DOK6: variants seen among roughly 807,000 people sequenced by gnomAD.
The protein encoded by DOK6 is docking protein 6.
A neutral mutation model predicts 44.0 loss-of-function variants in DOK6; 22 were observed. The observed-to-expected ratio is 0.50, with a 90% CI of 0.36 to 0.71. The LOEUF is 0.71. Among genes scored for constraint, DOK6 ranks in the 30% least tolerant of loss-of-function variants. The probability of loss-of-function intolerance (pLI) is 0.00; values close to 1 mark genes in which losing one functional copy is unlikely to be tolerated. For missense variants in DOK6, 340 were observed against 416.4 expected (o/e 0.82, Z 1.60); for synonymous variants, 166 against 145.5 (o/e 1.14, Z -1.01).
chr18:69,549,725 C>T (rs1982509726), intron 1 of DOK6, among the ~76,000 whole-genome samples: 1 of 151,282 alleles, frequency 6.6e-6, no homozygotes, highest in Non-Finnish European at 1.5e-5. Flanking sequence ...AAAATTGATG[C>T]CTATGCAAGA....
chr18:69,530,320 C>T (rs1378190450), intron 1 of DOK6, among the ~76,000 whole-genome samples: 2 of 152,026 alleles, frequency 1.3e-5, no homozygotes, highest in African/African-American at 4.8e-5. Context: ...TTAGCTGCAT[C>T]TTAAAGCAAA....
At chr18:69,412,051 A>G (rs949119660) in intron 1 of DOK6, among the ~76,000 whole-genome samples, 23 of 152,180 alleles carry the variant, frequency 1.5e-4, no homozygotes, top group Non-Finnish European at 7.4e-5. Context: ...TTTAAAAATT[A>G]TACAAATAAA....
At chr18:69,550,949 A>T (rs1284452302) in intron 1 of DOK6, among the ~76,000 whole-genome samples, 1 of 151,168 alleles carries the variant, frequency 6.6e-6, no homozygotes, top group Non-Finnish European at 1.5e-5. Flanking sequence ...ATGCCCGGCT[A>T]ATTTTTGTGT....
Position 69,406,779 on chromosome 18 carries a change from C to T in DOK6, c.66+5469C>T, listed in dbSNP as rs145560715. 5.2e-3 allele frequency among the ~76,000 whole-genome samples: 789 copies of T among 152,204 alleles called. 10 individuals are homozygous for T. Among genetic ancestry groups the T allele is most frequent in the Non-Finnish European group, 4.0e-3 (272 of 68,018 alleles). On this transcript the variant is annotated intron_variant, in intron 1 of 7. Transcript: ENST00000382713. ...TTTTGGATCAGTATAAAATAGAATA[C>T]GGAATAAAAAATTAGTTTAGGCTGG...
chr18:69,432,162 T>G (rs356013), intron 1 of DOK6, among the ~76,000 whole-genome samples: 120,850 of 152,186 alleles, frequency 0.79, 48,250 homozygotes, highest in East Asian at 1. Context: ...TATCATTTTG[T>G]CTGGGCATGG....
chr18:69,791,365 C>G (rs979957543), intron 7 of DOK6, among the ~76,000 whole-genome samples: 1 of 152,174 alleles, frequency 6.6e-6, no homozygotes, highest in African/African-American at 2.4e-5. Context: ...CTTACATTCC[C>G]ACCAACAGTG....
chr18:69,760,372 T>C (rs1239309468), intron 7 of DOK6, among the ~76,000 whole-genome samples: 2 of 152,176 alleles, frequency 1.3e-5, no homozygotes. Context: ...GGCTCATCCC[T>C]GTAATCCCAG....
In DOK6 at chr18:69,481,260, C is replaced by T. The variant is rs562311389; in HGVS notation, c.66+79950C>T. Among the ~76,000 whole-genome samples the T allele has an allele frequency of 6.9e-4, 105 of 152,018 alleles. 3 individuals carry two copies. In the South Asian group the frequency reaches 0.021, roughly 31 times the overall value. ...TTATTATACTTTAAGTTCTAGGGTA[C>T]CTGTGCATGATGTGCAGGTTTGTTA... On this transcript the variant is annotated intron_variant, in intron 1 of 7. Transcript: ENST00000382713.
At chr18:69,612,496 C>T (rs528203743) in intron 3 of DOK6, among the ~76,000 whole-genome samples, 19 of 61,528 alleles carry the variant, frequency 3.1e-4, no homozygotes, top group Non-Finnish European at 5.7e-4. Context: ...AACATAGAGG[C>T]CGTGCATGAG....
intron 1 of DOK6, 69 bp downstream of exon 1, chr18:69,401,379 G>A (rs991527840): frequency 2.9e-6 from 4 of 1,362,360 alleles, no homozygotes; most frequent in Admixed American, 2.6e-5. Flanking sequence ...TGGGGGGGGG[G>A]CAGGGAGAGG....
At chr18:69,443,278 CA>C (rs1175941384) in intron 1 of DOK6, among the ~76,000 whole-genome samples, 2 of 152,138 alleles carry the variant, frequency 1.3e-5, no homozygotes, top group African/African-American at 4.8e-5. Flanking sequence ...TAGCTCCTCT[CA>C]GCAAAAAACT....
At chr18:69,434,105 G>A (rs534393207) in intron 1 of DOK6, among the ~76,000 whole-genome samples, 2 of 152,230 alleles carry the variant, frequency 1.3e-5, no homozygotes, top group South Asian at 2.1e-4. Flanking sequence ...TGTGAGGTCA[G>A]GTTCAGTTTT....
intron 5 of DOK6, among the ~76,000 whole-genome samples, chr18:69,728,585 C>G (rs1194575485): frequency 1.3e-5 from 2 of 151,880 alleles, no homozygotes; most frequent in Non-Finnish European, 2.9e-5. Context: ...GGGAAAATGT[C>G]CACAATAATT....
At chr18:69,422,061 C>T (rs1448406706) in intron 1 of DOK6, among the ~76,000 whole-genome samples, 1 of 152,200 alleles carries the variant, frequency 6.6e-6, no homozygotes, top group Non-Finnish European at 1.5e-5. Flanking sequence ...ATCATGTGTA[C>T]CCTAACGGTT....
At chr18:69,636,300 C>T (rs77911474) in intron 3 of DOK6, among the ~76,000 whole-genome samples, 1,629 of 152,224 alleles carry the variant, frequency 0.011, 20 homozygotes, top group African/African-American at 0.037. Flanking sequence ...ATGGAATATT[C>T]GGGATCAAGC....
At chr18:69,759,533 T>C (rs933867294) in intron 7 of DOK6, among the ~76,000 whole-genome samples, 4 of 152,018 alleles carry the variant, frequency 2.6e-5, no homozygotes, top group Admixed American at 2.6e-4. Context: ...GTTTGGCCTA[T>C]AATTCCAGAA....
intron 6 of DOK6, among the ~76,000 whole-genome samples, chr18:69,752,734 C>A (rs954021356): frequency 6.6e-6 from 1 of 152,192 alleles, no homozygotes; most frequent in African/African-American, 2.4e-5. Context: ...ACACAAAAAA[C>A]TCCTGAGTCA....
At chr18:69,437,079 G>A (rs1357470211) in intron 1 of DOK6, among the ~76,000 whole-genome samples, 1 of 152,158 alleles carries the variant, frequency 6.6e-6, no homozygotes, top group Non-Finnish European at 1.5e-5. Context: ...TGGACAGATT[G>A]CAATAATTTT....
At chr18:69,785,403 A>G (rs2145093077) in intron 7 of DOK6, among the ~76,000 whole-genome samples, 1 of 152,354 alleles carries the variant, frequency 6.6e-6, no homozygotes, top group Non-Finnish European at 1.5e-5. Flanking sequence ...CTCAAACTAT[A>G]TAACTATGGT....
Sources: allele counts gnomAD v4.1 joint callset (sites outside exome capture counted in the v4.1 genomes callset), GRCh38; gene constraint gnomAD v4.1.1; transcripts MANE v1.5; gene names NCBI Gene and HGNC (gene_info 2026-07-23, HGNC 2026-07-21).